The following NLGN4X variants were observed in gnomAD, a reference collection of about 807,000 sequenced individuals.
NLGN4X encodes neuroligin-4, X-linked.
In NLGN4X, 3 loss-of-function variants were observed where a neutral mutation model predicts 40.3. The ratio of observed to expected loss-of-function variants is 0.07; its 90% CI spans 0.03 to 0.19. The LOEUF (loss-of-function observed/expected upper bound fraction) is 0.19. NLGN4X is among the 10% of genes least tolerant of loss of function. The probability of loss-of-function intolerance (pLI) is 1.00; values close to 1 mark genes in which losing one functional copy is unlikely to be tolerated. For missense variants in NLGN4X, 382 were observed against 708.3 expected (o/e 0.54, Z 5.23); for synonymous variants, 270 against 306.8 (o/e 0.88, Z 1.25).
chrX:5,985,448 AT>A (rs993962863), intron 3 of NLGN4X, among the ~76,000 whole-genome samples: 22 of 108,247 alleles, frequency 2.0e-4, no homozygotes, highest in Non-Finnish European at 3.1e-4. Context: ...TTATTTATTT[AT>A]TTTTTTTTAT....
chrX:6,071,155 G>A (rs2038054356), intron 2 of NLGN4X, among the ~76,000 whole-genome samples: 1 of 111,690 alleles, frequency 9.0e-6, no homozygotes, highest in Admixed American at 9.5e-5. Flanking sequence ...CTTGGGCAGA[G>A]AAGCTCTCTT....
At chrX:5,928,165 A>G (rs2033401226) in intron 3 of NLGN4X, among the ~76,000 whole-genome samples, 1 of 112,436 alleles carries the variant, frequency 8.9e-6, no homozygotes, top group Non-Finnish European at 1.9e-5. Flanking sequence ...CTCAATTAAA[A>G]TGTATTTTAC....
intron 2 of NLGN4X, among the ~76,000 whole-genome samples, chrX:6,061,110 T>C (rs980091694): frequency 1.8e-5 from 2 of 111,813 alleles, no homozygotes; most frequent in Non-Finnish European, 3.8e-5. Flanking sequence ...AATGTGGTTC[T>C]GCCCATTTTC....
rs146552375 is a variant in NLGN4X, at chrX:6,136,864, C to T, written c.472+14131G>A. ...GGGGAGATAGGACATAGCCTAAAGG[C>T]TAAAAATGTGTCAGGGGAGCTTTGC... is the stretch of plus-strand genomic sequence containing the variant. On this transcript the variant is annotated intron_variant, in intron 2 of 5. Coordinates refer to ENST00000381095, the MANE Select transcript of NLGN4X (RefSeq NM_181332.3). 3.4e-3 allele frequency among the ~76,000 whole-genome samples: 382 copies of T among 112,192 alleles called. 1 individual carries two copies. Among genetic ancestry groups the T allele is most frequent in the African/African-American group, 0.012 (362 of 30,933 alleles).
At chrX:6,155,335 C>A (rs1257475303) in intron 1 of NLGN4X, among the ~76,000 whole-genome samples, 1 of 112,011 alleles carries the variant, frequency 8.9e-6, no homozygotes, top group Non-Finnish European at 1.9e-5. Flanking sequence ...CTGATCCTTG[C>A]CCAAATTACT....
intron 3 of NLGN4X, among the ~76,000 whole-genome samples, chrX:6,011,330 T>C (rs2036245605): frequency 9.3e-6 from 1 of 107,000 alleles, no homozygotes; most frequent in Non-Finnish European, 1.9e-5. Context: ...TTCAAATGAA[T>C]GAATCTCTAC....
At chrX:6,106,741 C>T (rs1184122527) in intron 2 of NLGN4X, among the ~76,000 whole-genome samples, 10 of 111,942 alleles carry the variant, frequency 8.9e-5, no homozygotes, top group Non-Finnish European at 1.7e-4. Flanking sequence ...GAATAATATT[C>T]CATTGTCTGA....
intron 2 of NLGN4X, among the ~76,000 whole-genome samples, chrX:6,070,798 T>C (rs2038042080): frequency 9.0e-6 from 1 of 111,218 alleles, no homozygotes; most frequent in Non-Finnish European, 1.9e-5. Context: ...CTTTTTCACA[T>C]GGTGGGAAGA....
chrX:5,967,230 A>G (rs1001654667), intron 3 of NLGN4X, among the ~76,000 whole-genome samples: 1 of 112,114 alleles, frequency 8.9e-6, no homozygotes, highest in African/African-American at 3.2e-5. Context: ...CCATGACAAA[A>G]TACTAATGTT....
rs187297032 is a variant in NLGN4X, at chrX:6,097,969, T to C, written c.472+53026A>G. On this transcript the variant is annotated intron_variant, in intron 2 of 5. Coordinates refer to ENST00000381095, the MANE Select transcript of NLGN4X (RefSeq NM_181332.3). ...CAGCAATAAATGAATAATGCTCAAC[T>C]GAAATATGAGAAGAAAATAAACCAA... 4.3e-3 allele frequency among the ~76,000 whole-genome samples: 482 copies of C among 112,005 alleles called. 5 individuals carry two copies. Among genetic ancestry groups the C allele is most frequent in the African/African-American group, 0.014 (436 of 30,837 alleles).
chrX:5,903,050 G>C (rs754936441), intron 5 of NLGN4X, 27 bp downstream of exon 5: 1 of 1,209,137 alleles, frequency 8.3e-7, no homozygotes, highest in Non-Finnish European at 1.1e-6. Flanking sequence ...CAAGGATAGT[G>C]ATACCCCAAC....
chrX:6,001,097 T>C (rs12840253), intron 3 of NLGN4X, among the ~76,000 whole-genome samples: 9,890 of 111,125 alleles, frequency 0.089, 466 homozygotes, highest in Non-Finnish European at 0.13. Context: ...CACAATCCTC[T>C]GATCTCATGA....
chrX:6,163,764 T>C (rs1297867848), intron 1 of NLGN4X, among the ~76,000 whole-genome samples: 1 of 112,029 alleles, frequency 8.9e-6, no homozygotes, highest in Non-Finnish European at 1.9e-5. Context: ...GATACCACAC[T>C]GAACATTCAC....
At chrX:5,949,902 G>C (rs1244612910) in intron 3 of NLGN4X, among the ~76,000 whole-genome samples, 1 of 111,696 alleles carries the variant, frequency 9.0e-6, no homozygotes, top group East Asian at 2.8e-4. Flanking sequence ...AGTAAATGCT[G>C]AGTACAAGTA....
chrX:6,127,487 T>C (rs905594971), intron 2 of NLGN4X, among the ~76,000 whole-genome samples: 3 of 112,242 alleles, frequency 2.7e-5, no homozygotes, highest in African/African-American at 9.7e-5. Context: ...CGTGTGCCTG[T>C]AATCCCAGCT....
At chrX:6,048,287 T>C (rs1194734753) in intron 2 of NLGN4X, among the ~76,000 whole-genome samples, 1 of 111,523 alleles carries the variant, frequency 9.0e-6, no homozygotes, top group African/African-American at 3.3e-5. Flanking sequence ...ATTAGCATGC[T>C]AAGAAAGTCC....
rs535832593 is a variant in NLGN4X, at chrX:6,086,883, C to T, written c.473-57451G>A. On this transcript the variant is annotated intron_variant, in intron 2 of 5. Transcript: ENST00000381095. ...TCCTGGCCTCAAGTGATCCTCACTC[C>T]TCGGTCTCCCAAAGCGCTGCAGTCA... is the stretch of plus-strand genomic sequence containing the variant. 9.0e-5 allele frequency among the ~76,000 whole-genome samples: 10 copies of T among 111,241 alleles called. No homozygotes were observed. In the South Asian group the frequency reaches 3.1e-3, roughly 34 times the overall value.
chrX:6,180,266 G>A (rs1921282618), intron 1 of NLGN4X, among the ~76,000 whole-genome samples: 1 of 111,592 alleles, frequency 9.0e-6, no homozygotes, highest in Non-Finnish European at 1.9e-5. Flanking sequence ...AGTGATGGAG[G>A]TGGGGCCTGG....
At chrX:6,022,844 A>G (rs2036590838) in intron 3 of NLGN4X, among the ~76,000 whole-genome samples, 1 of 111,863 alleles carries the variant, frequency 8.9e-6, no homozygotes, top group Non-Finnish European at 1.9e-5. Context: ...TGACCACATT[A>G]TTAGGCTGAG....
Sources: allele counts gnomAD v4.1 joint callset (sites outside exome capture counted in the v4.1 genomes callset), GRCh38; gene constraint gnomAD v4.1.1; transcripts MANE v1.5; gene names NCBI Gene and HGNC (gene_info 2026-07-23, HGNC 2026-07-21).